Variants in KLRG1 observed in about 807,000 individuals in gnomAD.
KLRG1 encodes the protein killer cell lectin-like receptor subfamily G member 1.
Under a neutral mutation model 21.8 loss-of-function variants are expected in KLRG1, and 16 were observed. That is an observed-to-expected ratio of 0.73 (90% CI 0.50 to 1.11). The LOEUF is 1.11. Among genes scored for constraint, KLRG1 ranks in the 50% most tolerant of loss-of-function variants. KLRG1 has a pLI of 0.00. For synonymous variants in KLRG1, 69 were observed against 75.9 expected (o/e 0.91, Z 0.47); for missense variants, 173 against 218.3 (o/e 0.79, Z 1.31).
the KLRG1 span, among the ~76,000 whole-genome samples, chr12:9,051,867 A>G: frequency 1.3e-5 from 2 of 152,238 alleles, no homozygotes. Flanking sequence ...CCTTACTTAG[A>G]TCTTTTCATT....
the KLRG1 span, chr12:9,094,918 A>C: frequency 2.0e-6 from 2 of 995,090 alleles, no homozygotes; most frequent in East Asian, 5.8e-5. Context: ...CTTTTAAAAA[A>C]TTTAAAATTT....
chr12:9,208,323 G>A, the KLRG1 span: 1 of 1,613,464 alleles, frequency 6.2e-7, no homozygotes, highest in Non-Finnish European at 8.5e-7. Context: ...CATAAATGAA[G>A]AAGTCTGTCT....
At chr12:9,153,283 C>T in the KLRG1 span, 1 of 1,614,144 alleles carries the variant, frequency 6.2e-7, no homozygotes, top group South Asian at 1.1e-5. Flanking sequence ...GCAGTTTTCT[C>T]AGTTCTGGTG....
chr12:9,174,631 A>G, the KLRG1 span, among the ~76,000 whole-genome samples: 8 of 152,344 alleles, frequency 5.3e-5, no homozygotes, highest in Admixed American at 2.0e-4. Context: ...TACAAAATCA[A>G]TGTGCAAAAA....
chr12:9,045,368 C>A, the KLRG1 span, among the ~76,000 whole-genome samples: 1 of 152,062 alleles, frequency 6.6e-6, no homozygotes, highest in Non-Finnish European at 1.5e-5. Flanking sequence ...AATAAAGACA[C>A]AGAGAGAGTA....
At position 9,010,095 on chromosome 12, in the gene KLRG1, A is replaced by G. The variant is rs1333000933; in HGVS notation, c.*558A>G. On this transcript the variant is annotated 3_prime_UTR_variant, in exon 5 of 5. Coordinates refer to ENST00000356986, the MANE Select transcript of KLRG1 (RefSeq NM_005810.4). ...TAGCTATTTGGGAAGCTGAGGTGGG[A>G]GGGTCGCTTGAGCCCAGGAGTTTGA... The G allele has an allele frequency of 7.4e-7, 1 of 1,342,578 alleles. No individual in the cohort carries two copies. The highest frequency in any genetic ancestry group is 1.0e-6 in the Non-Finnish European group (1 of 974,980). The allele number at this position is 1,342,578 out of a possible 1,614,324, so 83.2% of individuals were successfully genotyped here.
rs112398138 is a variant in KLRG1 at position 8,997,219 on chromosome 12, G to A, written c.357+1931G>A. On this transcript the variant is annotated intron_variant, in intron 3 of 4. Coordinates refer to ENST00000356986, the MANE Select transcript of KLRG1 (RefSeq NM_005810.4). ...TTATTTTCTCCTAAGGCTCCTTGGG[G>A]CCAAGTCAGTGCTGGAGAGGGCGGA... is the stretch of plus-strand genomic sequence containing the variant. Among the ~76,000 whole-genome samples the A allele has an allele frequency of 5.9e-3, 899 of 152,230 alleles. 12 individuals carry two copies. Among genetic ancestry groups the A allele is most frequent in the African/African-American group, 0.02 (823 of 41,532 alleles).
chr12:9,090,258 A>G, the KLRG1 span: 147 of 1,564,692 alleles, frequency 9.4e-5, no homozygotes, highest in Non-Finnish European at 1.2e-4. Flanking sequence ...CGCAGCATCT[A>G]GTGGTCTTTT....
the KLRG1 span, among the ~76,000 whole-genome samples, chr12:9,211,917 T>C: frequency 6.6e-6 from 1 of 152,148 alleles, no homozygotes; most frequent in Non-Finnish European, 1.5e-5. Context: ...ATTCTGTCTG[T>C]TCCCTGGGTA....
At chr12:9,079,312 G>T in the KLRG1 span, 1 of 1,613,636 alleles carries the variant, frequency 6.2e-7, no homozygotes, top group Non-Finnish European at 8.5e-7. Flanking sequence ...AGTGTTTGTA[G>T]TTCAACTGTC....
chr12:9,157,117 T>TC, the KLRG1 span: 1 of 1,530,732 alleles, frequency 6.5e-7, no homozygotes, highest in South Asian at 1.2e-5. Flanking sequence ...TGTGTGCTGT[T>TC]CCCCTCCCTG....
chr12:9,030,729 A>G, the KLRG1 span, among the ~76,000 whole-genome samples: 1 of 152,208 alleles, frequency 6.6e-6, no homozygotes. Flanking sequence ...TTTACATGAT[A>G]AAAAACAATG....
At chr12:9,059,314 A>T in the KLRG1 span, among the ~76,000 whole-genome samples, 1 of 152,144 alleles carries the variant, frequency 6.6e-6, no homozygotes, top group Non-Finnish European at 1.5e-5. Flanking sequence ...TTGGTTACCC[A>T]TGTGTAATAT....
the KLRG1 span, among the ~76,000 whole-genome samples, chr12:9,184,043 A>G: frequency 6.6e-6 from 1 of 152,222 alleles, no homozygotes; most frequent in African/African-American, 2.4e-5. Context: ...GTAGATTGAA[A>G]TGTCATAAAA....
chr12:9,182,132 GAGTGAGACAAAATGGTCATA>G, the KLRG1 span: 59 of 1,554,434 alleles, frequency 3.8e-5, no homozygotes, highest in Admixed American at 1.1e-3. Flanking sequence ...AACATGGAGA[GAGTGAGACAAAATGGTCATA>G]AGTGAGACAA....
the KLRG1 span, among the ~76,000 whole-genome samples, chr12:9,203,191 T>A: frequency 2.6e-5 from 4 of 152,286 alleles, no homozygotes; most frequent in East Asian, 7.7e-4. Flanking sequence ...CTCCTCTAAG[T>A]CATGAAATTT....
the KLRG1 span, among the ~76,000 whole-genome samples, chr12:9,164,427 C>A: frequency 6.6e-6 from 1 of 152,138 alleles, no homozygotes; most frequent in Non-Finnish European, 1.5e-5. Flanking sequence ...GGCAATGATA[C>A]AAATCAAGAT....
chr12:9,095,658 C>T, the KLRG1 span: 1 of 1,612,728 alleles, frequency 6.2e-7, no homozygotes. Flanking sequence ...TTCAAAGGCC[C>T]AGGGAAGCCA....
chr12:9,086,126 A>C, the KLRG1 span, among the ~76,000 whole-genome samples: 3 of 152,236 alleles, frequency 2.0e-5, no homozygotes, highest in Admixed American at 1.3e-4. Flanking sequence ...AGGAAGGAAT[A>C]CTTTCAAGCT....
Sources: gnomAD v4.1 joint callset for allele counts (sites outside exome capture counted in the v4.1 genomes callset) on GRCh38, gnomAD v4.1.1 for gene constraint, MANE v1.5 for transcripts, NCBI Gene and HGNC (gene_info 2026-07-23, HGNC 2026-07-21) for gene names.